RIMS2: variants seen among roughly 807,000 people sequenced by gnomAD.
The protein encoded by RIMS2 is regulating synaptic membrane exocytosis 2.
In RIMS2, 59 loss-of-function variants were observed where a neutral mutation model predicts 174.4. That is an observed-to-expected ratio of 0.34 (90% CI 0.27 to 0.42). RIMS2 has a LOEUF of 0.42. RIMS2 is among the 10% of genes least tolerant of loss of function. RIMS2 has a pLI of 1.00. For missense variants in RIMS2, 1,620 were observed against 1,666.3 expected, an observed-to-expected ratio of 0.97 and a Z score of 0.48; for synonymous variants, 606 against 572.5, an observed-to-expected ratio of 1.06 and a Z score of -0.84.
intron 3 of RIMS2, among the ~76,000 whole-genome samples, chr8:103,785,847 A>G (rs1409235446): frequency 2.6e-5 from 4 of 152,190 alleles, no homozygotes; most frequent in Non-Finnish European, 5.9e-5. Flanking sequence ...AAGGAATGGT[A>G]CCAGTTCCTC....
At chr8:103,638,799 G>A (rs2096153111) in intron 1 of RIMS2, among the ~76,000 whole-genome samples, 1 of 152,000 alleles carries the variant, frequency 6.6e-6, no homozygotes. Flanking sequence ...CTGCAATTGG[G>A]ATGTCACTGT....
intron 2 of RIMS2, among the ~76,000 whole-genome samples, chr8:103,709,578 A>G (rs1183728443): frequency 6.6e-6 from 1 of 152,210 alleles, no homozygotes; most frequent in Non-Finnish European, 1.5e-5. Flanking sequence ...TACAGAGGAA[A>G]GACTGAGTCT....
intron 9 of RIMS2, chr8:103,920,730 G>A (rs910081914): frequency 3.5e-5 from 16 of 455,772 alleles, no homozygotes; most frequent in African/African-American, 1.8e-4. Flanking sequence ...TGGCTCACGC[G>A]TGTAATCCCA....
In RIMS2 at chr8:104,093,461, G is replaced by C. The variant is rs768596098; in HGVS notation, c.3334+78846G>C. On this transcript the variant is annotated intron_variant, in intron 19 of 23. Coordinates refer to ENST00000504942, the Ensembl canonical transcript of RIMS2. ...ACAACTTCTGCGTATTTGTCAATCT[G>C]TGTTAACAGTATCGATCAGGATGGG... The C allele has an allele frequency of 6.3e-6, 10 of 1,586,916 alleles. No individual in the cohort carries two copies. Among genetic ancestry groups the C allele is most frequent in the Non-Finnish European group, 7.7e-6 (9 of 1,171,730 alleles).
intron 4 of RIMS2, among the ~76,000 whole-genome samples, chr8:103,897,396 G>C (rs2099291302): frequency 6.6e-6 from 1 of 151,644 alleles, no homozygotes. Context: ...TCCTTTGTCA[G>C]GTAGCCATAA....
chr8:103,547,992 G>A (rs1310140025), intron 1 of RIMS2, among the ~76,000 whole-genome samples: 1 of 151,878 alleles, frequency 6.6e-6, no homozygotes. Flanking sequence ...AGACCAATAA[G>A]GAATTCTGAA....
chr8:103,906,192 C>G (rs926820288), intron 4 of RIMS2, among the ~76,000 whole-genome samples: 23 of 152,052 alleles, frequency 1.5e-4, no homozygotes, highest in Admixed American at 1.4e-3. Context: ...TTTACTTATT[C>G]AACAAGTGTT....
intron 19 of RIMS2, among the ~76,000 whole-genome samples, chr8:104,040,246 T>C (rs973990531): frequency 2.6e-5 from 4 of 151,728 alleles, no homozygotes; most frequent in African/African-American, 7.2e-5. Flanking sequence ...GATGCAACTC[T>C]TGCAGAACTT....
At chr8:103,648,279 G>A (rs1225481711) in intron 1 of RIMS2, among the ~76,000 whole-genome samples, 1 of 152,164 alleles carries the variant, frequency 6.6e-6, no homozygotes, top group Non-Finnish European at 1.5e-5. Context: ...TGTAGTCTGA[G>A]AGAATGTTTG....
chr8:104,028,106 GT>G (rs35705394), intron 19 of RIMS2, among the ~76,000 whole-genome samples: 1 of 150,212 alleles, frequency 6.7e-6, no homozygotes, highest in Admixed American at 6.6e-5. Flanking sequence ...ATTTTTAAAA[GT>G]TTTTTTAGAG....
At chr8:104,144,465 A>T (rs2098612407) in intron 19 of RIMS2, among the ~76,000 whole-genome samples, 1 of 152,202 alleles carries the variant, frequency 6.6e-6, no homozygotes, top group Admixed American at 6.5e-5. Context: ...TTTGATTTAC[A>T]TAAAAGAAGA....
intron 3 of RIMS2, among the ~76,000 whole-genome samples, chr8:103,799,244 A>AT (rs2098585191): frequency 6.6e-6 from 1 of 152,210 alleles, no homozygotes; most frequent in Admixed American, 6.5e-5. Flanking sequence ...TCTGACCTAC[A>AT]TAAGTGTAAG....
At position 103,529,395 on chromosome 8, in the gene RIMS2, C is replaced by T. The variant is rs1028008875; in HGVS notation, c.176+28333C>T. On this transcript the variant is annotated intron_variant, in intron 1 of 23. Transcript: ENST00000504942. ...CTCAGACTGCTGTGCTAGCAATGAG[C>T]GAGGCTCCGTGGGTGTGGAACCCTC... Among the ~76,000 whole-genome samples, 5 of 152,158 alleles carry T rather than the reference C, an allele frequency of 3.3e-5. No individual in the cohort carries two copies. The South Asian group carries it at 8.3e-4, about 25-fold the overall frequency.
At chr8:103,736,425 C>T (rs2097686363) in intron 2 of RIMS2, among the ~76,000 whole-genome samples, 1 of 152,126 alleles carries the variant, frequency 6.6e-6, no homozygotes, top group African/African-American at 2.4e-5. Context: ...AGTTTATTAG[C>T]TTGAACTTCT....
intron 1 of RIMS2, among the ~76,000 whole-genome samples, chr8:103,691,968 T>G (rs574934980): frequency 1.3e-5 from 2 of 152,292 alleles, no homozygotes; most frequent in East Asian, 3.9e-4. Flanking sequence ...GGATAAGGTC[T>G]TGGGTAAAAT....
chr8:103,885,596 T>C (rs1378989528), exon 4 of RIMS2: 1 of 1,613,102 alleles, frequency 6.2e-7, no homozygotes, highest in Admixed American at 1.7e-5. Flanking sequence ...CCAGTCACGC[T>C]ACCGAAGTGA....
rs866946111 is a variant in RIMS2, at chr8:104,006,668, C to G, written c.3045-6774C>G. ...TCTCTCTCTCTCTCTCTCTCTCTCTCTGTGTCTCTCTCTTTTTACTTAGGT... is the reference window on the plus strand; with the variant it reads ...TCTCTCTCTCTCTCTCTCTCTCTCTGTGTGTCTCTCTCTTTTTACTTAGGT... On this transcript the variant is annotated intron_variant, in intron 17 of 23. Coordinates refer to ENST00000504942, the Ensembl canonical transcript of RIMS2. Among the ~76,000 whole-genome samples, 97 of 139,510 alleles carry G rather than the reference C, an allele frequency of 7.0e-4. 1 individual carries two copies. The highest frequency in any genetic ancestry group is 7.5e-3 in the Middle Eastern group (2 of 268). The allele number at this position is 139,510 out of a possible 152,430, so 91.5% of individuals were successfully genotyped here.
intron 1 of RIMS2, among the ~76,000 whole-genome samples, chr8:103,568,259 C>T (rs901094286): frequency 6.6e-6 from 1 of 152,046 alleles, no homozygotes; most frequent in Non-Finnish European, 1.5e-5. Context: ...GATCCTGCTG[C>T]TGCACTCCAG....
intron 1 of RIMS2, among the ~76,000 whole-genome samples, chr8:103,673,414 C>T (rs1056403189): frequency 2.0e-5 from 3 of 152,198 alleles, no homozygotes; most frequent in African/African-American, 4.8e-5. Flanking sequence ...GAGGCTTCCG[C>T]GTGGACACTG....
Sources: allele counts gnomAD v4.1 joint callset (sites outside exome capture counted in the v4.1 genomes callset), GRCh38; gene constraint gnomAD v4.1.1; transcripts MANE v1.5; gene names NCBI Gene and HGNC (gene_info 2026-07-23, HGNC 2026-07-21).